The following CREB5 variants were observed in gnomAD, a reference collection of about 807,000 sequenced individuals.
CREB5 encodes cyclic AMP-responsive element-binding protein 5.
Under a neutral mutation model 57.1 loss-of-function variants are expected in CREB5, and 19 were observed. That is an observed-to-expected ratio of 0.33 (90% CI 0.23 to 0.49). The LOEUF (loss-of-function observed/expected upper bound fraction) is 0.49. CREB5 is among the 20% of genes least tolerant of loss of function. CREB5 has a pLI of 0.99. For synonymous variants in CREB5, 238 were observed against 238.3 expected, an observed-to-expected ratio of 1.00 and a Z score of 0.01; for missense variants, 579 against 671.6, an observed-to-expected ratio of 0.86 and a Z score of 1.52.
chr7:28,346,970 G>A (rs1786070275), intron 1 of CREB5, among the ~76,000 whole-genome samples: 1 of 152,154 alleles, frequency 6.6e-6, no homozygotes, highest in Non-Finnish European at 1.5e-5. Flanking sequence ...AGGAGAAGAG[G>A]CAAGGACAAA....
Position 28,820,338 on chromosome 7 carries a change from C to T in CREB5, c.*1059C>T, listed in dbSNP as rs1176388929. ...TATAACGTTGAAAATCCATGTACTA[C>T]ATAATAATTCAGAAGGGCTCTATTC... On this transcript the variant is annotated 3_prime_UTR_variant, in exon 11 of 11. Transcript: ENST00000357727. 6.6e-6 allele frequency: 1 copy of T among 152,500 alleles called. No homozygotes were observed. Among genetic ancestry groups the T allele is most frequent in the African/African-American group, 2.4e-5 (1 of 41,402 alleles). The allele number at this position is 152,500 out of a possible 1,614,324, so 9.4% of individuals were successfully genotyped here. A position where few individuals can be genotyped will look rare whatever the true frequency, so the allele number is the denominator to read the frequency against.
At chr7:28,556,529 T>G in intron 4 of CREB5, among the ~76,000 whole-genome samples, 1 of 152,178 alleles carries the variant, frequency 6.6e-6, no homozygotes, top group Admixed American at 6.5e-5. Context: ...TTCTGTGTGT[T>G]AGGTTGATGG....
intron 7 of CREB5, among the ~76,000 whole-genome samples, chr7:28,749,718 G>T (rs770078508): frequency 3.9e-5 from 6 of 152,168 alleles, no homozygotes; most frequent in Admixed American, 2.0e-4. Flanking sequence ...GATGGAGTCA[G>T]CTGATTTTTT....
At chr7:28,627,253 G>A (rs1798032761) in intron 5 of CREB5, among the ~76,000 whole-genome samples, 1 of 152,206 alleles carries the variant, frequency 6.6e-6, no homozygotes, top group Non-Finnish European at 1.5e-5. Flanking sequence ...CCCAGCATTT[G>A]ATAGAGAAAA....
intron 5 of CREB5, among the ~76,000 whole-genome samples, chr7:28,638,638 C>T (rs950851504): frequency 2.6e-5 from 4 of 152,174 alleles, no homozygotes; most frequent in African/African-American, 4.8e-5. Context: ...TGTGCCACCA[C>T]GCCCGGTCAC....
intron 1 of CREB5, among the ~76,000 whole-genome samples, chr7:28,382,958 G>A (rs1397529111): frequency 6.6e-6 from 1 of 152,174 alleles, no homozygotes; most frequent in Non-Finnish European, 1.5e-5. Context: ...AGTAGGAATA[G>A]GGAACAAGGC....
At chr7:28,616,476 A>C (rs1375285046) in intron 5 of CREB5, among the ~76,000 whole-genome samples, 1 of 151,276 alleles carries the variant, frequency 6.6e-6, no homozygotes, top group Non-Finnish European at 1.5e-5. Context: ...TTTTTTTTTT[A>C]ACCTAATGGG....
At chr7:28,680,117 C>A (rs970024479) in intron 5 of CREB5, among the ~76,000 whole-genome samples, 1 of 152,196 alleles carries the variant, frequency 6.6e-6, no homozygotes, top group Non-Finnish European at 1.5e-5. Context: ...TGGACAATTG[C>A]AGACCTGCAC....
intron 1 of CREB5, among the ~76,000 whole-genome samples, chr7:28,451,450 C>CTGTGTGTG (rs6150047): frequency 4.1e-5 from 6 of 147,028 alleles, no homozygotes; most frequent in African/African-American, 1.5e-4. Flanking sequence ...CTTTGCCAAA[C>CTGTGTGTG]TGTGTGTGTG....
intron 7 of CREB5, among the ~76,000 whole-genome samples, chr7:28,733,826 A>G (rs1433895848): frequency 6.6e-6 from 1 of 152,170 alleles, no homozygotes; most frequent in Non-Finnish European, 1.5e-5. Context: ...AGTCTGATAA[A>G]CTAATTGAGA....
intron 5 of CREB5, among the ~76,000 whole-genome samples, chr7:28,639,086 A>C (rs1246769201): frequency 6.6e-6 from 1 of 152,206 alleles, no homozygotes; most frequent in African/African-American, 2.4e-5. Context: ...GCCACACTTC[A>C]TGAATGCTTT....
chr7:28,501,413 C>T (rs996523299), intron 3 of CREB5, among the ~76,000 whole-genome samples: 4 of 152,056 alleles, frequency 2.6e-5, no homozygotes, highest in Non-Finnish European at 2.9e-5. Context: ...AGGAGTTGTC[C>T]GTTTCTCGTC....
At chr7:28,676,185 T>C (rs926628337) in intron 5 of CREB5, among the ~76,000 whole-genome samples, 1 of 152,176 alleles carries the variant, frequency 6.6e-6, no homozygotes, top group African/African-American at 2.4e-5. Flanking sequence ...GCTTTCATCA[T>C]AACTATCATT....
intron 5 of CREB5, among the ~76,000 whole-genome samples, chr7:28,595,281 C>T (rs939377044): frequency 3.3e-5 from 5 of 151,940 alleles, no homozygotes; most frequent in Admixed American, 2.0e-4. Flanking sequence ...TATAAGTATG[C>T]GTGTAAATAT....
At chr7:28,700,327 C>T (rs1801783990) in intron 5 of CREB5, among the ~76,000 whole-genome samples, 3 of 152,066 alleles carry the variant, frequency 2.0e-5, no homozygotes, top group African/African-American at 7.2e-5. Flanking sequence ...GAGGACCATC[C>T]CCTGGAACCC....
chr7:28,468,008 G>C (rs976424708), intron 1 of CREB5, among the ~76,000 whole-genome samples: 6 of 152,222 alleles, frequency 3.9e-5, no homozygotes, highest in African/African-American at 1.4e-4. Flanking sequence ...AACTTCAGAA[G>C]TCGTGGCCAA....
intron 5 of CREB5, among the ~76,000 whole-genome samples, chr7:28,594,238 T>TA (rs1796622305): frequency 6.6e-6 from 1 of 152,246 alleles, no homozygotes; most frequent in African/African-American, 2.4e-5. Context: ...CACTGGTTTC[T>TA]TTCTTAACCT....
chr7:28,461,961 A>G (rs1790367820), intron 1 of CREB5, among the ~76,000 whole-genome samples: 3 of 152,082 alleles, frequency 2.0e-5, no homozygotes, highest in Admixed American at 1.3e-4. Flanking sequence ...AATTTGGTGC[A>G]TTTTAGTACT....
At chr7:28,417,638 G>A (rs1275821803) in intron 1 of CREB5, among the ~76,000 whole-genome samples, 1 of 152,182 alleles carries the variant, frequency 6.6e-6, no homozygotes, top group Admixed American at 6.5e-5. Context: ...AGCTCCACAA[G>A]TGTTTCCAAT....
Sources: gnomAD v4.1 joint callset for allele counts (sites outside exome capture counted in the v4.1 genomes callset) on GRCh38, gnomAD v4.1.1 for gene constraint, MANE v1.5 for transcripts, NCBI Gene and HGNC (gene_info 2026-07-23, HGNC 2026-07-21) for gene names.